CNBD1: variants seen among roughly 807,000 people sequenced by gnomAD.
CNBD1 encodes the protein cyclic nucleotide binding domain containing 1, also known as cyclic nucleotide-binding domain-containing protein 1.
CNBD1 carries 71 observed loss-of-function variants against 54.4 expected under a neutral mutation model. The observed-to-expected ratio is 1.30, with a 90% CI of 1.08 to 1.59. CNBD1 has a LOEUF of 1.59. Among genes scored for constraint, CNBD1 ranks in the 40% most tolerant of loss-of-function variants. The probability of loss-of-function intolerance (pLI) is 0.00; values close to 1 mark genes in which losing one functional copy is unlikely to be tolerated. For synonymous variants in CNBD1, 182 were observed against 170.7 expected (o/e 1.07, Z -0.51); for missense variants, 659 against 518.0 (o/e 1.27, Z -2.64).
rs145955118 is a variant in CNBD1, at chr8:87,019,425, T to C, written c.431+79671T>C. On this transcript the variant is annotated intron_variant, in intron 4 of 10. Coordinates refer to ENST00000518476, the MANE Select transcript of CNBD1 (RefSeq NM_173538.3). ...GTAACAAAACCTTTTCTCTCCCAAA[T>C]ACCAGTATATGGTGCAATACAAAAG... Among the ~76,000 whole-genome samples the C allele has an allele frequency of 2.5e-3, 385 of 152,330 alleles. 7 individuals are homozygous for C. Among genetic ancestry groups the C allele is most frequent in the South Asian group, 0.025 (120 of 4,832 alleles).
chr8:87,351,847 G>T, intron 9 of CNBD1, 53 bp downstream of exon 9: 1 of 1,343,910 alleles, frequency 7.4e-7, no homozygotes, highest in South Asian at 1.8e-5. Flanking sequence ...CTAAAGAATA[G>T]TGTCAGATAC....
At chr8:87,369,231 A>G (rs1810707984) in intron 10 of CNBD1, among the ~76,000 whole-genome samples, 1 of 151,996 alleles carries the variant, frequency 6.6e-6, no homozygotes, top group Non-Finnish European at 1.5e-5. Context: ...AGGATTCATT[A>G]CATTGATATA....
intron 4 of CNBD1, among the ~76,000 whole-genome samples, chr8:86,979,018 T>C (rs1808407770): frequency 6.6e-6 from 1 of 152,158 alleles, no homozygotes; most frequent in South Asian, 2.1e-4. Context: ...GTTAAGATTA[T>C]GTCGTAATGT....
chr8:87,128,042 T>C (rs1325596031), intron 4 of CNBD1, among the ~76,000 whole-genome samples: 1 of 152,140 alleles, frequency 6.6e-6, no homozygotes, highest in Admixed American at 6.5e-5. Context: ...TGTCTGAATG[T>C]CGAGAGGAGT....
intron 4 of CNBD1, among the ~76,000 whole-genome samples, chr8:86,990,605 A>G (rs1037600729): frequency 1.3e-5 from 2 of 152,158 alleles, no homozygotes; most frequent in Non-Finnish European, 2.9e-5. Context: ...TCTGTAGTAT[A>G]ATTTGAAGTC....
chr8:87,425,513 C>T (rs2130996755), intron 2 of CNBD1, among the ~76,000 whole-genome samples: 1 of 152,244 alleles, frequency 6.6e-6, no homozygotes, highest in Non-Finnish European at 1.5e-5. Context: ...GATGTCCTTT[C>T]TGTTTGTTAG....
intron 4 of CNBD1, among the ~76,000 whole-genome samples, chr8:87,171,288 T>C (rs946192839): frequency 3.9e-5 from 6 of 152,148 alleles, no homozygotes; most frequent in Non-Finnish European, 7.3e-5. Context: ...ATCTTCTAGA[T>C]TTTGCAATAT....
intron 8 of CNBD1, among the ~76,000 whole-genome samples, chr8:87,351,007 T>C (rs1810279064): frequency 6.6e-6 from 1 of 152,144 alleles, no homozygotes; most frequent in African/African-American, 2.4e-5. Flanking sequence ...TAACATGATA[T>C]TGTGTTATAC....
At chr8:87,192,237 T>A (rs1296713861) in intron 4 of CNBD1, among the ~76,000 whole-genome samples, 1 of 152,190 alleles carries the variant, frequency 6.6e-6, no homozygotes, top group Non-Finnish European at 1.5e-5. Context: ...ATCCAGCTTT[T>A]CAAACTTTGT....
At chr8:87,373,165 T>G (rs977742077) in intron 10 of CNBD1, among the ~76,000 whole-genome samples, 7 of 151,772 alleles carry the variant, frequency 4.6e-5, no homozygotes, top group African/African-American at 1.7e-4. Context: ...TGGCTCTTAT[T>G]TTTCTCTCAA....
At chr8:87,347,727 T>C (rs1231510859) in intron 8 of CNBD1, among the ~76,000 whole-genome samples, 1 of 152,162 alleles carries the variant, frequency 6.6e-6, no homozygotes, top group East Asian at 1.9e-4. Flanking sequence ...CTCTTCTTCC[T>C]TGATCTGTAG....
intron 5 of CNBD1, among the ~76,000 whole-genome samples, chr8:87,235,058 ACT>A (rs1413669713): frequency 6.6e-6 from 1 of 151,964 alleles, no homozygotes; most frequent in Non-Finnish European, 1.5e-5. Context: ...CATGAACCAA[ACT>A]CTGCTAGCTC....
intron 4 of CNBD1, among the ~76,000 whole-genome samples, chr8:87,100,997 GA>G (rs988133130): frequency 1.3e-5 from 2 of 152,078 alleles, no homozygotes; most frequent in African/African-American, 4.8e-5. Context: ...AAAACAAAAC[GA>G]AAAACTTCAG....
chr8:86,999,095 C>G, intron 4 of CNBD1, among the ~76,000 whole-genome samples: 1 of 152,214 alleles, frequency 6.6e-6, no homozygotes, highest in Non-Finnish European at 1.5e-5. Context: ...TCTGAACATT[C>G]TGAGTTAATG....
At chr8:87,006,787 T>C (rs1325525760) in intron 4 of CNBD1, among the ~76,000 whole-genome samples, 13 of 152,224 alleles carry the variant, frequency 8.5e-5, no homozygotes, top group Non-Finnish European at 1.6e-4. Flanking sequence ...TCTCCTCCTC[T>C]TCCTGCCTTG....
intron 2 of CNBD1, among the ~76,000 whole-genome samples, chr8:87,405,833 A>T (rs1807642517): frequency 6.6e-6 from 1 of 152,162 alleles, no homozygotes; most frequent in Non-Finnish European, 1.5e-5. Flanking sequence ...ACCAGCACAG[A>T]TTCTACTGTG....
intron 10 of CNBD1, among the ~76,000 whole-genome samples, chr8:87,370,518 A>C (rs1363163513): frequency 3.3e-5 from 5 of 152,150 alleles, no homozygotes; most frequent in Non-Finnish European, 7.3e-5. Flanking sequence ...GGCTGCATAA[A>C]TGTTTTCTTT....
chr8:87,037,943 T>C (rs1412571844), intron 4 of CNBD1, among the ~76,000 whole-genome samples: 1 of 152,202 alleles, frequency 6.6e-6, no homozygotes, highest in Non-Finnish European at 1.5e-5. Context: ...TCTATGTTAT[T>C]TTCTAAAGCT....
Position 86,992,047 on chromosome 8 carries a change from T to G in CNBD1, c.431+52293T>G, listed in dbSNP as rs76466059. Among the ~76,000 whole-genome samples, 6 of 152,128 alleles carry G rather than the reference T, an allele frequency of 3.9e-5. 1 individual carries two copies. Among genetic ancestry groups the G allele is most frequent in the Non-Finnish European group, 2.9e-5 (2 of 68,016 alleles). On this transcript the variant is annotated intron_variant, in intron 4 of 10. Transcript: ENST00000518476. ...TGTCCAGTTGACTGAGTGTAAATTT[T>G]GAGTCTAGATGTTCTTTCTTAGTTT...
Sources: allele counts gnomAD v4.1 joint callset (sites outside exome capture counted in the v4.1 genomes callset), GRCh38; gene constraint gnomAD v4.1.1; transcripts MANE v1.5; gene names NCBI Gene and HGNC (gene_info 2026-07-23, HGNC 2026-07-21).